The following GNA14 variants were observed in gnomAD, a reference collection of about 807,000 sequenced individuals.
GNA14 encodes the protein G protein subunit alpha 14.
A neutral mutation model predicts 42.0 loss-of-function variants in GNA14; 50 were observed. That is an observed-to-expected ratio of 1.19 (90% confidence interval 0.95 to 1.51). The LOEUF (loss-of-function observed/expected upper bound fraction) is 1.51. Ranked by LOEUF, GNA14 falls within the 40% of genes most tolerant of loss-of-function variation. The pLI, the probability that GNA14 is intolerant of heterozygous loss-of-function variation, is 0.00. For missense variants in GNA14, 473 were observed against 446.2 expected (o/e 1.06, Z -0.54); for synonymous variants, 173 against 163.1 (o/e 1.06, Z -0.46).
chr9:77,591,069 G>C (rs1206590347), intron 1 of GNA14, among the ~76,000 whole-genome samples: 1 of 152,188 alleles, frequency 6.6e-6, no homozygotes, highest in African/African-American at 2.4e-5. Flanking sequence ...GATAGACAGT[G>C]AATGTCCAGG....
intron 1 of GNA14, among the ~76,000 whole-genome samples, chr9:77,553,604 T>C (rs1564052316): frequency 6.6e-6 from 1 of 152,204 alleles, no homozygotes; most frequent in Non-Finnish European, 1.5e-5. Context: ...TGCCATACCA[T>C]ATTTTGTTTG....
At chr9:77,545,013 T>G (rs1837704090) in intron 1 of GNA14, among the ~76,000 whole-genome samples, 1 of 152,138 alleles carries the variant, frequency 6.6e-6, no homozygotes, top group Non-Finnish European at 1.5e-5. Context: ...GTCCAAAAGT[T>G]TGGTTTTGCT....
chr9:77,494,173 C>A (rs1836833021), intron 2 of GNA14, among the ~76,000 whole-genome samples: 1 of 152,046 alleles, frequency 6.6e-6, no homozygotes, highest in Admixed American at 6.5e-5. Context: ...TCTGCCCACC[C>A]CAGCCTCCCA....
intron 1 of GNA14, among the ~76,000 whole-genome samples, chr9:77,610,253 T>C (rs544359361): frequency 2.4e-4 from 36 of 152,340 alleles, no homozygotes; most frequent in Admixed American, 9.8e-4. Context: ...CCCTATAGAA[T>C]AGTTAAACTT....
At chr9:77,493,018 A>ATATATAT (rs1322242402) in intron 2 of GNA14, among the ~76,000 whole-genome samples, 70 of 88,836 alleles carry the variant, frequency 7.9e-4, no homozygotes, top group South Asian at 1.7e-3. Context: ...AAAAAAAAAA[A>ATATATAT]AAAAAAAAAT....
intron 6 of GNA14, 49 bp from the exon 7 acceptor site, chr9:77,424,218 G>A (rs1835418512): frequency 1.5e-6 from 2 of 1,321,956 alleles, no homozygotes; most frequent in Non-Finnish European, 2.1e-6. Context: ...TTAACACCAT[G>A]TCCTCCCAAG....
intron 5 of GNA14, among the ~76,000 whole-genome samples, chr9:77,428,075 T>TC (rs1315838676): frequency 2.1e-5 from 3 of 145,550 alleles, no homozygotes; most frequent in African/African-American, 7.8e-5. Flanking sequence ...TTTTTTCTTT[T>TC]TTTTTTTCTT....
chr9:77,483,094 G>A (rs1836588087), intron 2 of GNA14, among the ~76,000 whole-genome samples: 1 of 151,906 alleles, frequency 6.6e-6, no homozygotes, highest in Non-Finnish European at 1.5e-5. Flanking sequence ...TCCATTGCTG[G>A]GAGGAGCTGC....
intron 2 of GNA14, among the ~76,000 whole-genome samples, chr9:77,439,245 G>A (rs760068190): frequency 6.6e-6 from 1 of 152,154 alleles, no homozygotes; most frequent in Non-Finnish European, 1.5e-5. Context: ...AATGAGGAAG[G>A]GAGTACCCTG....
At chr9:77,550,584 A>T (rs552242859) in intron 1 of GNA14, among the ~76,000 whole-genome samples, 1 of 152,342 alleles carries the variant, frequency 6.6e-6, no homozygotes, top group African/African-American at 2.4e-5. Context: ...CACACTCATT[A>T]TCATAAAATA....
intron 5 of GNA14, among the ~76,000 whole-genome samples, chr9:77,426,088 A>C (rs918730504): frequency 2.6e-5 from 4 of 152,178 alleles, no homozygotes; most frequent in Non-Finnish European, 5.9e-5. Context: ...GGGAAGTGCC[A>C]GCTTCAGACC....
intron 1 of GNA14, among the ~76,000 whole-genome samples, chr9:77,591,250 C>G (rs1036453118): frequency 1.3e-5 from 2 of 152,194 alleles, no homozygotes; most frequent in African/African-American, 4.8e-5. Context: ...GCATGAGCCA[C>G]CACACCCAGC....
chr9:77,495,521 C>T (rs758631125), intron 2 of GNA14, among the ~76,000 whole-genome samples: 35 of 152,292 alleles, frequency 2.3e-4, no homozygotes, highest in Admixed American at 1.1e-3. Context: ...AAGAAATGAA[C>T]TTCTCTTGTG....
intron 1 of GNA14, among the ~76,000 whole-genome samples, chr9:77,622,205 T>C (rs1424585602): frequency 1.3e-5 from 2 of 152,226 alleles, no homozygotes; most frequent in African/African-American, 4.8e-5. Flanking sequence ...GGACAAGCTT[T>C]AAGAAATGAC....
chr9:77,585,928 T>G (rs1222409936), intron 1 of GNA14, among the ~76,000 whole-genome samples: 1 of 152,222 alleles, frequency 6.6e-6, no homozygotes, highest in Admixed American at 6.5e-5. Context: ...TGTAATGTAT[T>G]ATTGTTTTTG....
chr9:77,463,902 T>C (rs1052854361), intron 2 of GNA14, among the ~76,000 whole-genome samples: 37 of 151,402 alleles, frequency 2.4e-4, no homozygotes, highest in African/African-American at 8.6e-4. Context: ...TCTTATGTAA[T>C]TGCTTTTTAT....
intron 1 of GNA14, among the ~76,000 whole-genome samples, chr9:77,533,253 T>G (rs968527849): frequency 6.6e-6 from 1 of 152,196 alleles, no homozygotes; most frequent in African/African-American, 2.4e-5. Flanking sequence ...CTCAGCTCAC[T>G]GCATGTAACC....
intron 2 of GNA14, among the ~76,000 whole-genome samples, chr9:77,461,612 TATC>T (rs371120159): frequency 2.7e-4 from 41 of 152,294 alleles, no homozygotes; most frequent in African/African-American, 9.6e-4. Flanking sequence ...CATGATCCTA[TATC>T]ATAAGGATCA....
At chr9:77,569,339 C>T (rs1043160645) in intron 1 of GNA14, among the ~76,000 whole-genome samples, 4 of 152,158 alleles carry the variant, frequency 2.6e-5, no homozygotes, top group African/African-American at 9.7e-5. Flanking sequence ...GCAGAGAGAT[C>T]ATTGGCATTT....
Sources: gnomAD v4.1 joint callset for allele counts (sites outside exome capture counted in the v4.1 genomes callset) on GRCh38, gnomAD v4.1.1 for gene constraint, MANE v1.5 for transcripts, NCBI Gene and HGNC (gene_info 2026-07-23, HGNC 2026-07-21) for gene names.